Variants in CLVS1 observed in about 807,000 individuals in gnomAD.
CLVS1 encodes clavesin 1, also known as clavesin-1.
Under a neutral mutation model 33.1 loss-of-function variants are expected in CLVS1, and 10 were observed. The observed-to-expected ratio is 0.30, with a 90% CI of 0.19 to 0.51. The LOEUF is 0.51. CLVS1 is among the 20% of genes least tolerant of loss of function. The pLI is 0.97. For missense variants in CLVS1, 343 were observed against 433.4 expected (o/e 0.79, Z 1.85); for synonymous variants, 163 against 166.1 (o/e 0.98, Z 0.14).
rs1168261193 is a variant in CLVS1, at chr8:61,063,277, GAGAGAGAGAGAGAGAGAT to G, written c.-243+6063_-243+6080del. ...TGAGGAAGCGAGAGAGAGAGAGAGA[GAGAGAGAGAGAGAGAGAT>G]AGAGAGAGAGAGAGAACAGTCATTT... On this transcript the variant is annotated intron_variant, in intron 1 of 2. Coordinates refer to the CLVS1 transcript ENST00000522621. Among the ~76,000 whole-genome samples the G allele has an allele frequency of 2.3e-3, 321 of 136,964 alleles. 1 individual carries two copies. The highest frequency in any genetic ancestry group is 5.1e-3 in the Admixed American group (73 of 14,392). 89.9% of individuals were successfully genotyped at this position (136,964 alleles called of 152,430 possible). A position where few individuals can be genotyped will look rare whatever the true frequency, so the allele number is the denominator to read the frequency against.
At chr8:61,348,766 G>C (rs1204895830) in intron 2 of CLVS1, among the ~76,000 whole-genome samples, 2 of 152,098 alleles carry the variant, frequency 1.3e-5, no homozygotes, top group Non-Finnish European at 2.9e-5. Flanking sequence ...TCATGTGGTA[G>C]TTCCATTTTT....
chr8:61,177,766 A>G (rs1028430445), intron 2 of CLVS1, among the ~76,000 whole-genome samples: 3 of 151,666 alleles, frequency 2.0e-5, no homozygotes, highest in African/African-American at 7.3e-5. Context: ...CTATTGAAAG[A>G]AAAACAAACA....
chr8:61,069,935 G>A (rs1174279783), intron 1 of CLVS1, among the ~76,000 whole-genome samples: 1 of 152,082 alleles, frequency 6.6e-6, no homozygotes, highest in African/African-American at 2.4e-5. Flanking sequence ...AGTAGCTGCA[G>A]GCATGCACCA....
chr8:61,151,301 A>G (rs1806529817), intron 2 of CLVS1, among the ~76,000 whole-genome samples: 1 of 152,242 alleles, frequency 6.6e-6, no homozygotes, highest in South Asian at 2.1e-4. Flanking sequence ...ACTAATATTT[A>G]CTGAATATTG....
At chr8:61,329,545 G>C (rs1811515713) in intron 2 of CLVS1, among the ~76,000 whole-genome samples, 1 of 152,156 alleles carries the variant, frequency 6.6e-6, no homozygotes, top group African/African-American at 2.4e-5. Flanking sequence ...AGAAAAGAGA[G>C]AGATTTAAGG....
intron 5 of CLVS1, among the ~76,000 whole-genome samples, chr8:61,499,230 G>A (rs1235979710): frequency 6.6e-6 from 1 of 152,174 alleles, no homozygotes; most frequent in Non-Finnish European, 1.5e-5. Context: ...AGGCTGGAGT[G>A]CAGTGGCACA....
At chr8:61,409,898 T>C (rs1815150286) in intron 3 of CLVS1, among the ~76,000 whole-genome samples, 1 of 152,168 alleles carries the variant, frequency 6.6e-6, no homozygotes, top group East Asian at 1.9e-4. Flanking sequence ...CATTTTTTCA[T>C]GTTTAAGTGG....
At chr8:61,420,688 G>A (rs1202586220) in intron 3 of CLVS1, among the ~76,000 whole-genome samples, 1 of 152,080 alleles carries the variant, frequency 6.6e-6, no homozygotes, top group East Asian at 1.9e-4. Context: ...AAACATATGC[G>A]GCCAGGCACG....
At chr8:60,998,096 A>G in the CLVS1 span, among the ~76,000 whole-genome samples, 1 of 152,190 alleles carries the variant, frequency 6.6e-6, no homozygotes, top group East Asian at 1.9e-4. Flanking sequence ...AAAGGAACCC[A>G]TGTGTGGACT....
At chr8:61,407,015 A>G (rs1354512996) in intron 3 of CLVS1, among the ~76,000 whole-genome samples, 1 of 152,240 alleles carries the variant, frequency 6.6e-6, no homozygotes, top group African/African-American at 2.4e-5. Flanking sequence ...CATTATAATT[A>G]GTGATCATTT....
chr8:61,264,258 C>G (rs781075769), intron 2 of CLVS1, among the ~76,000 whole-genome samples: 8 of 151,938 alleles, frequency 5.3e-5, no homozygotes, highest in Non-Finnish European at 1.0e-4. Context: ...CTTGAAGACG[C>G]TGAATGTTCT....
chr8:61,444,878 G>T (rs1344576014), intron 3 of CLVS1, among the ~76,000 whole-genome samples: 2 of 152,166 alleles, frequency 1.3e-5, no homozygotes, highest in Non-Finnish European at 2.9e-5. Context: ...GGTGATTAGG[G>T]TAAGGGAATA....
chr8:61,120,091 T>C (rs1187526684), intron 1 of CLVS1, among the ~76,000 whole-genome samples: 2 of 148,608 alleles, frequency 1.3e-5, no homozygotes, highest in African/African-American at 5.0e-5. Flanking sequence ...CTTTTTTCTC[T>C]AAACTTCCCT....
At chr8:61,294,591 A>G (rs924300709) in intron 1 of CLVS1, among the ~76,000 whole-genome samples, 3 of 152,158 alleles carry the variant, frequency 2.0e-5, no homozygotes, top group Admixed American at 6.5e-5. Flanking sequence ...TTCCCAGGGA[A>G]TTATCTTTCT....
At chr8:60,991,660 T>C in the CLVS1 span, among the ~76,000 whole-genome samples, 2 of 152,008 alleles carry the variant, frequency 1.3e-5, no homozygotes, top group Non-Finnish European at 2.9e-5. Flanking sequence ...AGCTCTGCCA[T>C]GCTCCCTCTA....
rs79317746 is a variant in CLVS1 at position 61,233,176 on chromosome 8, A to C, written c.-151-66501A>C. Among the ~76,000 whole-genome samples, 943 of 152,304 alleles carry C rather than the reference A, an allele frequency of 6.2e-3. 6 individuals are homozygous for C. The highest frequency in any genetic ancestry group is 0.021 in the African/African-American group (881 of 41,552). The stretch of plus-strand genomic sequence containing the variant: ...GTACCCATCCTTCTCCCTCAGTAAT[A>C]ATTGAGAAGTATTAGGAAATAAATG... On this transcript the variant is annotated intron_variant, in intron 2 of 2. Transcript: ENST00000522621.
chr8:61,458,096 A>G (rs1003596821), intron 4 of CLVS1, among the ~76,000 whole-genome samples: 4 of 152,200 alleles, frequency 2.6e-5, no homozygotes, highest in Non-Finnish European at 5.9e-5. Flanking sequence ...CATAAACTTC[A>G]TTTTTAATGA....
chr8:61,139,561 G>A (rs1217390176), intron 2 of CLVS1, among the ~76,000 whole-genome samples: 1 of 152,156 alleles, frequency 6.6e-6, no homozygotes, highest in Non-Finnish European at 1.5e-5. Flanking sequence ...GGAGGCCGGG[G>A]GCGGGGGCTA....
intron 2 of CLVS1, among the ~76,000 whole-genome samples, chr8:61,326,106 A>C (rs1260021768): frequency 1.3e-5 from 2 of 152,124 alleles, no homozygotes; most frequent in Admixed American, 6.6e-5. Flanking sequence ...TTTTACTAAT[A>C]GTCTTTTCAC....
Sources: gnomAD v4.1 joint callset for allele counts (sites outside exome capture counted in the v4.1 genomes callset) on GRCh38, gnomAD v4.1.1 for gene constraint, MANE v1.5 for transcripts, NCBI Gene and HGNC (gene_info 2026-07-23, HGNC 2026-07-21) for gene names.